Variants in PTPRT observed in about 807,000 individuals in gnomAD.
The protein encoded by PTPRT is protein tyrosine phosphatase receptor type T.
Under a neutral mutation model 176.8 loss-of-function variants are expected in PTPRT, and 56 were observed. That is an observed-to-expected ratio of 0.32 (90% CI 0.26 to 0.40). The LOEUF is 0.40. Among genes scored for constraint, PTPRT ranks in the 10% least tolerant of loss-of-function variants. PTPRT has a pLI of 1.00. For missense variants in PTPRT, 1,540 were observed against 1,908.2 expected (o/e 0.81, Z 3.60); for synonymous variants, 783 against 739.0 (o/e 1.06, Z -0.96).
intron 9 of PTPRT, among the ~76,000 whole-genome samples, chr20:42,379,587 C>G (rs1194755342): frequency 6.6e-6 from 1 of 152,236 alleles, no homozygotes; most frequent in African/African-American, 2.4e-5. Flanking sequence ...AGCTCCACCC[C>G]TTCTCCACAT....
chr20:42,407,369 T>C (rs1465676772), intron 9 of PTPRT, among the ~76,000 whole-genome samples: 1 of 152,162 alleles, frequency 6.6e-6, no homozygotes, highest in Admixed American at 6.6e-5. Context: ...TGCATTCACT[T>C]TTCACTGGAG....
intron 12 of PTPRT, among the ~76,000 whole-genome samples, chr20:42,292,773 G>A (rs916466944): frequency 2.0e-4 from 31 of 152,140 alleles, no homozygotes; most frequent in African/African-American, 6.3e-4. Flanking sequence ...TTGACTTGAC[G>A]CAGGACCTTG....
chr20:43,155,478 T>C (rs1033320104), intron 1 of PTPRT, among the ~76,000 whole-genome samples: 5 of 152,182 alleles, frequency 3.3e-5, no homozygotes, highest in African/African-American at 1.2e-4. Context: ...TAAAAAAAAG[T>C]TGATCTCATA....
At chr20:42,782,398 C>A (rs778222432) in intron 3 of PTPRT, among the ~76,000 whole-genome samples, 4 of 152,216 alleles carry the variant, frequency 2.6e-5, no homozygotes, top group African/African-American at 4.8e-5. Context: ...ATCTGTATTT[C>A]TACCTAGGTA....
intron 1 of PTPRT, among the ~76,000 whole-genome samples, chr20:43,086,893 T>C (rs1222287108): frequency 6.6e-6 from 1 of 152,180 alleles, no homozygotes; most frequent in African/African-American, 2.4e-5. Flanking sequence ...ATGTCACTGG[T>C]TTTATTTTAA....
chr20:42,776,717 CATATCATATAATTAT>C (rs1262289767), intron 4 of PTPRT, among the ~76,000 whole-genome samples: 1 of 147,238 alleles, frequency 6.8e-6, no homozygotes, highest in Non-Finnish European at 1.5e-5. Flanking sequence ...ATTATATAAG[CATATCATATAATTAT>C]ATATGATATG....
At chr20:42,311,451 TA>T (rs2057627647) in intron 12 of PTPRT, among the ~76,000 whole-genome samples, 1 of 152,178 alleles carries the variant, frequency 6.6e-6, no homozygotes, top group Non-Finnish European at 1.5e-5. Flanking sequence ...CTTCCTTGAC[TA>T]AAACTTGCAG....
At chr20:43,143,581 C>G (rs559961517) in intron 1 of PTPRT, among the ~76,000 whole-genome samples, 1 of 152,302 alleles carries the variant, frequency 6.6e-6, no homozygotes, top group South Asian at 2.1e-4. Context: ...TTTTCTCTAG[C>G]AGTATCTAGC....
chr20:42,197,554 T>C (rs917073638), intron 16 of PTPRT, among the ~76,000 whole-genome samples: 2 of 151,850 alleles, frequency 1.3e-5, no homozygotes, highest in African/African-American at 2.4e-5. Flanking sequence ...TTGGAGGACA[T>C]TGAGGCAATT....
intron 5 of PTPRT, among the ~76,000 whole-genome samples, chr20:42,766,631 A>G (rs1235665084): frequency 6.6e-6 from 1 of 152,224 alleles, no homozygotes; most frequent in East Asian, 1.9e-4. Context: ...AGCAAGCTAT[A>G]AAGTCCCACT....
chr20:42,673,595 G>A (rs1453125097), intron 7 of PTPRT, among the ~76,000 whole-genome samples: 1 of 152,138 alleles, frequency 6.6e-6, no homozygotes, highest in Non-Finnish European at 1.5e-5. Flanking sequence ...TGTCTAGTGA[G>A]GGCCCATTTC....
intron 18 of PTPRT, among the ~76,000 whole-genome samples, chr20:42,130,811 G>A (rs907113738): frequency 6.6e-6 from 1 of 152,142 alleles, no homozygotes; most frequent in Non-Finnish European, 1.5e-5. Flanking sequence ...TTGGGTGAGT[G>A]GGAGAGTGGA....
At chr20:42,277,191 AGG>A (rs1393924166) in intron 13 of PTPRT, among the ~76,000 whole-genome samples, 2 of 152,104 alleles carry the variant, frequency 1.3e-5, no homozygotes, top group Non-Finnish European at 2.9e-5. Context: ...ACCCACTCCA[AGG>A]GGGTTGTTTT....
chr20:42,772,879 T>C (rs2077083198), intron 4 of PTPRT, among the ~76,000 whole-genome samples: 1 of 152,234 alleles, frequency 6.6e-6, no homozygotes. Flanking sequence ...TTTAACTTCA[T>C]GACATTCCTA....
chr20:42,198,873 G>A (rs1349242310), intron 16 of PTPRT, among the ~76,000 whole-genome samples: 1 of 152,154 alleles, frequency 6.6e-6, no homozygotes, highest in East Asian at 1.9e-4. Flanking sequence ...ATGAAACACA[G>A]ATTTGAAAAT....
chr20:42,239,413 CTT>C (rs35978863), intron 14 of PTPRT, among the ~76,000 whole-genome samples: 3,780 of 81,504 alleles, frequency 0.046, 163 homozygotes, highest in African/African-American at 0.16. Context: ...CATTTTCTTT[CTT>C]TTTTTTTTTT....
chr20:42,449,110 G>C (rs112252734), intron 8 of PTPRT, among the ~76,000 whole-genome samples: 1 of 152,126 alleles, frequency 6.6e-6, no homozygotes, highest in Non-Finnish European at 1.5e-5. Flanking sequence ...ACTAATTCCT[G>C]AATCCAACAT....
At chr20:42,639,765 A>G (rs1468484209) in intron 7 of PTPRT, among the ~76,000 whole-genome samples, 2 of 152,166 alleles carry the variant, frequency 1.3e-5, no homozygotes, top group Non-Finnish European at 2.9e-5. Context: ...TCTTTTAGGT[A>G]TTATAATTCA....
In PTPRT at chr20:42,328,111, T is replaced by C. The variant is rs796951345; in HGVS notation, c.1866-12115A>G. The stretch of plus-strand genomic sequence containing the variant: ...TTATATGATGCCTTATAAGTAATTC[T>C]CATATCAAATAGAAAATCAAAGCCA... On this transcript the variant is annotated intron_variant, in intron 11 of 30. Transcript: ENST00000373187. 6.6e-5 allele frequency among the ~76,000 whole-genome samples: 10 copies of C among 152,242 alleles called. 1 individual carries two copies. Among genetic ancestry groups the C allele is most frequent in the African/African-American group, 2.4e-4 (10 of 41,562 alleles).
Sources: gnomAD v4.1 joint callset for allele counts (sites outside exome capture counted in the v4.1 genomes callset) on GRCh38, gnomAD v4.1.1 for gene constraint, MANE v1.5 for transcripts, NCBI Gene and HGNC (gene_info 2026-07-23, HGNC 2026-07-21) for gene names.